CFAP299: variants seen among roughly 807,000 people sequenced by gnomAD.
CFAP299 encodes cilia- and flagella-associated protein 299.
In CFAP299, 21 loss-of-function variants were observed where a neutral mutation model predicts 27.0. The observed-to-expected ratio is 0.78, with a 90% CI of 0.55 to 1.12. The LOEUF (loss-of-function observed/expected upper bound fraction) is 1.12, where lower values mean the gene tolerates loss of function less well. CFAP299 is among the 50% of genes most tolerant of loss of function. The pLI is 0.00. For missense variants in CFAP299, 310 were observed against 276.6 expected (o/e 1.12, Z -0.86); for synonymous variants, 104 against 98.1 (o/e 1.06, Z -0.36).
chr4:80,399,558 G>A (rs1726019005), intron 2 of CFAP299, among the ~76,000 whole-genome samples: 3 of 152,140 alleles, frequency 2.0e-5, no homozygotes, highest in South Asian at 4.2e-4. Context: ...GGATGAAGCT[G>A]GAAACCATCA....
intron 2 of CFAP299, among the ~76,000 whole-genome samples, chr4:80,372,053 T>C (rs773381782): frequency 6.6e-6 from 1 of 152,236 alleles, no homozygotes; most frequent in Non-Finnish European, 1.5e-5. Flanking sequence ...AGAGGTTTAA[T>C]TGGCTCATGA....
intron 2 of CFAP299, among the ~76,000 whole-genome samples, chr4:80,568,049 GA>G (rs1735397395): frequency 1.3e-5 from 2 of 151,574 alleles, no homozygotes; most frequent in African/African-American, 4.8e-5. Context: ...AAATTTTGAG[GA>G]AAAGATGACT....
intron 2 of CFAP299, among the ~76,000 whole-genome samples, chr4:80,368,052 A>G (rs1205853724): frequency 6.6e-6 from 1 of 152,184 alleles, no homozygotes; most frequent in Admixed American, 6.6e-5. Context: ...TTATTGGGAA[A>G]TGAATTCACC....
At chr4:80,817,079 C>G (rs1729457604) in intron 3 of CFAP299, among the ~76,000 whole-genome samples, 1 of 152,030 alleles carries the variant, frequency 6.6e-6, no homozygotes, top group Non-Finnish European at 1.5e-5. Flanking sequence ...GCTGCTTTGT[C>G]CCAGGTTAGG....
chr4:80,807,384 C>A (rs999656736), intron 3 of CFAP299, among the ~76,000 whole-genome samples: 2 of 152,072 alleles, frequency 1.3e-5, no homozygotes, highest in African/African-American at 4.8e-5. Context: ...TACTCATCTG[C>A]TGGCAGTGAA....
intron 3 of CFAP299, among the ~76,000 whole-genome samples, chr4:80,840,104 T>C (rs1227634148): frequency 6.6e-6 from 1 of 152,152 alleles, no homozygotes; most frequent in Non-Finnish European, 1.5e-5. Context: ...ATTTGCTTTG[T>C]TGTTGTTAAT....
At chr4:80,502,459 CT>C (rs1449098260) in intron 2 of CFAP299, among the ~76,000 whole-genome samples, 1 of 151,970 alleles carries the variant, frequency 6.6e-6, no homozygotes, top group Non-Finnish European at 1.5e-5. Context: ...TCAGGTGGTT[CT>C]TTTCTCTTTT....
chr4:80,376,353 T>C (rs1334575562), intron 2 of CFAP299, among the ~76,000 whole-genome samples: 1 of 152,236 alleles, frequency 6.6e-6, no homozygotes, highest in Non-Finnish European at 1.5e-5. Flanking sequence ...TTTTGGCTTT[T>C]CCAAATAAAC....
At chr4:80,460,594 G>A (rs1219807128) in intron 2 of CFAP299, among the ~76,000 whole-genome samples, 5 of 152,094 alleles carry the variant, frequency 3.3e-5, no homozygotes, top group Admixed American at 2.0e-4. Context: ...GAATCAATCC[G>A]ATTACTAGTT....
chr4:80,572,974 T>C (rs1735669265), intron 2 of CFAP299, among the ~76,000 whole-genome samples: 1 of 152,114 alleles, frequency 6.6e-6, no homozygotes, highest in African/African-American at 2.4e-5. Context: ...TACTTCGTTT[T>C]GGGTATAGGC....
At chr4:80,354,697 AGT>A (rs1187551593) in intron 1 of CFAP299, among the ~76,000 whole-genome samples, 2 of 151,898 alleles carry the variant, frequency 1.3e-5, no homozygotes, top group East Asian at 1.9e-4. Context: ...GATAGCTGCC[AGT>A]GTGTGTTTTT....
intron 3 of CFAP299, among the ~76,000 whole-genome samples, chr4:80,756,860 T>C (rs1311885464): frequency 6.6e-6 from 1 of 152,170 alleles, no homozygotes; most frequent in Non-Finnish European, 1.5e-5. Flanking sequence ...TAAAATATTG[T>C]ACTAAAGAAT....
chr4:80,909,581 T>C (rs1735365783), intron 4 of CFAP299, among the ~76,000 whole-genome samples: 1 of 152,006 alleles, frequency 6.6e-6, no homozygotes, highest in African/African-American at 2.4e-5. Flanking sequence ...ATCTTTCTAA[T>C]ATTTTCTAAA....
At chr4:80,798,552 C>A (rs544111421) in intron 3 of CFAP299, among the ~76,000 whole-genome samples, 63 of 152,220 alleles carry the variant, frequency 4.1e-4, no homozygotes, top group African/African-American at 1.5e-3. Flanking sequence ...CCTTTCATTG[C>A]AGGTCAGCCA....
intron 2 of CFAP299, among the ~76,000 whole-genome samples, chr4:80,420,599 C>T (rs1005051579): frequency 2.0e-5 from 3 of 152,108 alleles, no homozygotes; most frequent in East Asian, 1.9e-4. Context: ...GTCCTTTGCT[C>T]ATTTCTTAAT....
chr4:80,341,426 G>A (rs964867991), intron 1 of CFAP299, among the ~76,000 whole-genome samples: 7 of 152,148 alleles, frequency 4.6e-5, no homozygotes, highest in African/African-American at 7.2e-5. Context: ...CCTACAGGAG[G>A]GTCTGGGCCA....
chr4:80,962,998 T>G, intron 5 of CFAP299, among the ~76,000 whole-genome samples: 1 of 151,968 alleles, frequency 6.6e-6, no homozygotes, highest in Non-Finnish European at 1.5e-5. Context: ...TGAAATCCTT[T>G]TAAAAGGTTA....
chr4:80,398,566 C>T (rs1725951143), intron 2 of CFAP299, among the ~76,000 whole-genome samples: 2 of 152,132 alleles, frequency 1.3e-5, no homozygotes, highest in Non-Finnish European at 2.9e-5. Flanking sequence ...CTTTGACAAA[C>T]TTGACAAAAA....
At chr4:80,698,821 G>A (rs1010701794) in intron 3 of CFAP299, among the ~76,000 whole-genome samples, 2 of 152,130 alleles carry the variant, frequency 1.3e-5, no homozygotes, top group African/African-American at 4.8e-5. Context: ...AAAACCATCA[G>A]ATTTTGTGAG....
Sources: allele counts gnomAD v4.1 joint callset (sites outside exome capture counted in the v4.1 genomes callset), GRCh38; gene constraint gnomAD v4.1.1; transcripts MANE v1.5; gene names NCBI Gene and HGNC (gene_info 2026-07-23, HGNC 2026-07-21).